Variants in TP63 observed in about 807,000 individuals in gnomAD.
TP63 encodes tumor protein 63.
In TP63, 17 loss-of-function variants were observed where a neutral mutation model predicts 82.8. That is an observed-to-expected ratio of 0.21 (90% CI 0.14 to 0.31). TP63 has a LOEUF of 0.31. Among genes scored for constraint, TP63 ranks in the 10% least tolerant of loss-of-function variants. The pLI, the probability that TP63 is intolerant of heterozygous loss-of-function variation, is 1.00. For synonymous variants in TP63, 330 were observed against 321.7 expected, an observed-to-expected ratio of 1.03 and a Z score of -0.28; for missense variants, 648 against 895.3, an observed-to-expected ratio of 0.72 and a Z score of 3.52.
intron 1 of TP63, among the ~76,000 whole-genome samples, chr3:189,634,998 AT>A (rs1239809151): frequency 2.6e-5 from 4 of 151,992 alleles, no homozygotes; most frequent in African/African-American, 7.2e-5. Flanking sequence ...CTTTCAAAGT[AT>A]TTTTTTCAAA....
At position 189,896,295 on chromosome 3, in the gene TP63, TTTC is replaced by T. The variant is rs1380378841; in HGVS notation, c.*1799_*1801del. The T allele has an allele frequency of 4.6e-6, 1 of 215,530 alleles. No homozygotes were observed. The highest frequency in any genetic ancestry group is 2.3e-5 in the African/African-American group (1 of 44,332). The allele number at this position is 215,530 out of a possible 1,614,324, so 13.4% of individuals were successfully genotyped here. A position where few individuals can be genotyped will look rare whatever the true frequency, so the allele number is the denominator to read the frequency against. Reference sequence around the variant, plus strand: ...TACTTTGTATTTTGATTATTTTTTTTTTCTTCTTGGGATAGTGGGATTTCCAGA... The same window carrying T: ...TACTTTGTATTTTGATTATTTTTTTTTTCTTGGGATAGTGGGATTTCCAGA... On this transcript the variant is annotated 3_prime_UTR_variant, in exon 14 of 14. Coordinates refer to ENST00000264731, the MANE Select transcript of TP63 (RefSeq NM_003722.5).
intron 1 of TP63, chr3:189,645,457 C>A (rs1045364064): frequency 1.5e-4 from 45 of 292,180 alleles, no homozygotes; most frequent in African/African-American, 8.7e-4. Flanking sequence ...ATTATATGAT[C>A]TTCTTTTTTA....
intron 4 of TP63, among the ~76,000 whole-genome samples, chr3:189,838,007 T>G (rs1259482538): frequency 6.6e-6 from 1 of 152,182 alleles, no homozygotes; most frequent in Admixed American, 6.5e-5. Flanking sequence ...GTAACCCCAT[T>G]CCCAGCTCAA....
intron 3 of TP63, among the ~76,000 whole-genome samples, chr3:189,743,558 A>G (rs999195773): frequency 5.3e-5 from 8 of 152,114 alleles, no homozygotes; most frequent in Admixed American, 3.3e-4. Context: ...GCTTCATTGC[A>G]GCATTGTTTA....
intron 4 of TP63, among the ~76,000 whole-genome samples, chr3:189,821,238 T>G (rs1728763391): frequency 6.6e-6 from 1 of 152,262 alleles, no homozygotes. Context: ...TTTACTTTTA[T>G]GTTCTTTCTA....
intron 3 of TP63, among the ~76,000 whole-genome samples, chr3:189,755,800 A>G (rs76378134): frequency 0.12 from 18,637 of 152,180 alleles, 1,188 homozygotes; most frequent in African/African-American, 0.14. Context: ...CTTGAAATCA[A>G]TTGGATGATA....
chr3:189,658,519 T>G (rs1353676606), intron 1 of TP63, among the ~76,000 whole-genome samples: 1 of 151,930 alleles, frequency 6.6e-6, no homozygotes, highest in Non-Finnish European at 1.5e-5. Context: ...ACAATTCAAG[T>G]AGATAGTATG....
At chr3:189,645,839 C>A (rs1712381623) in intron 1 of TP63, among the ~76,000 whole-genome samples, 1 of 147,128 alleles carries the variant, frequency 6.8e-6, no homozygotes, top group Non-Finnish European at 1.5e-5. Context: ...ATGAACTCAT[C>A]CTTTTTTATG....
intron 1 of TP63, among the ~76,000 whole-genome samples, chr3:189,709,895 A>G (rs1171382390): frequency 6.6e-6 from 1 of 152,186 alleles, no homozygotes; most frequent in African/African-American, 2.4e-5. Flanking sequence ...CATCCATAAG[A>G]TGGACATGCA....
chr3:189,818,412 A>G (rs1160870059), intron 4 of TP63, among the ~76,000 whole-genome samples: 4 of 152,080 alleles, frequency 2.6e-5, no homozygotes, highest in African/African-American at 7.2e-5. Context: ...AATATTTTAT[A>G]TGCCTTGACA....
chr3:189,676,989 A>G (rs968908443), intron 1 of TP63, among the ~76,000 whole-genome samples: 3 of 69,276 alleles, frequency 4.3e-5, no homozygotes, highest in African/African-American at 1.7e-4. Flanking sequence ...CAACCCTCCC[A>G]CCCTCCCAAA....
chr3:189,688,790 G>A (rs140256390), intron 1 of TP63, among the ~76,000 whole-genome samples: 2 of 152,174 alleles, frequency 1.3e-5, no homozygotes, highest in African/African-American at 4.8e-5. Context: ...CAGGATTTTT[G>A]TTTATAGCAG....
rs1712081700 is a variant in TP63, at chr3:189,830,081, G to A, written c.579+21555G>A. The A allele has an allele frequency of 1.9e-5, 4 of 205,756 alleles. No individual in the cohort carries two copies. In the South Asian group the frequency reaches 2.2e-4, roughly 11 times the overall value. 12.7% of individuals were successfully genotyped at this position (205,756 alleles called of 1,614,324 possible). A position where few individuals can be genotyped will look rare whatever the true frequency, so the allele number is the denominator to read the frequency against. Reference sequence around the variant, plus strand: ...GAAAGGCCAACGGTCATTTAGTAGGGTTGGAATAGGATGGGGAATGGGGCT... The same window carrying A: ...GAAAGGCCAACGGTCATTTAGTAGGATTGGAATAGGATGGGGAATGGGGCT... On this transcript the variant is annotated intron_variant, in intron 4 of 13. Transcript: ENST00000264731.
In TP63 at chr3:189,713,590, G is replaced by T. The variant is rs566852574; in HGVS notation, c.63-24150G>T. On this transcript the variant is annotated intron_variant, in intron 1 of 13. Coordinates refer to ENST00000264731, the MANE Select transcript of TP63 (RefSeq NM_003722.5). ...TTATTTGATTTTTGAATTTTGAAAA[G>T]ATTAGAGACTGAAGCCTGCATAAAA... Among the ~76,000 whole-genome samples, 40 of 152,228 alleles carry T rather than the reference G, an allele frequency of 2.6e-4. 2 individuals are homozygous for T. In the South Asian group the frequency reaches 7.2e-3, roughly 28 times the overall value.
chr3:189,813,297 A>T (rs1450303044), intron 4 of TP63, among the ~76,000 whole-genome samples: 2 of 152,248 alleles, frequency 1.3e-5, no homozygotes, highest in African/African-American at 2.4e-5. Flanking sequence ...AGCAATAACC[A>T]TACGGCCATT....
chr3:189,615,097 T>A, the TP63 span, among the ~76,000 whole-genome samples: 51 of 152,234 alleles, frequency 3.4e-4, no homozygotes, highest in Admixed American at 7.2e-4. Context: ...TTATACCACA[T>A]CCTGGGTAAT....
chr3:189,859,196 C>T (rs940764077), intron 4 of TP63, among the ~76,000 whole-genome samples: 2 of 152,054 alleles, frequency 1.3e-5, no homozygotes, highest in Non-Finnish European at 1.5e-5. Context: ...GATCATTATA[C>T]AATATAGACA....
chr3:189,737,937 G>C lies in TP63; in HGVS notation c.191+69G>C, dbSNP rs893531086. Reference sequence around the variant, plus strand: ...GGTAAATGTGGGTGGTCAAAATATTGCTTACTAGGGCATGTTTTTTCTAGA... The same window carrying C: ...GGTAAATGTGGGTGGTCAAAATATTCCTTACTAGGGCATGTTTTTTCTAGA... On this transcript the variant is annotated intron_variant, in intron 2 of 13. Coordinates refer to ENST00000264731, the MANE Select transcript of TP63 (RefSeq NM_003722.5). 3.2e-5 allele frequency: 50 copies of C among 1,579,926 alleles called. No individual in the cohort carries two copies. In the African/African-American group the frequency reaches 5.9e-4, roughly 19 times the overall value.
At chr3:189,740,302 T>C (rs1720889662) in intron 3 of TP63, among the ~76,000 whole-genome samples, 1 of 152,166 alleles carries the variant, frequency 6.6e-6, no homozygotes, top group South Asian at 2.1e-4. Flanking sequence ...ATTAGGACAT[T>C]CCCAATTTTC....
Sources: gnomAD v4.1 joint callset for allele counts (sites outside exome capture counted in the v4.1 genomes callset) on GRCh38, gnomAD v4.1.1 for gene constraint, MANE v1.5 for transcripts, NCBI Gene and HGNC (gene_info 2026-07-23, HGNC 2026-07-21) for gene names.